The following SVIL variants were observed in gnomAD, a reference collection of about 807,000 sequenced individuals.
SVIL encodes the protein archvillin.
SVIL carries 101 observed loss-of-function variants against 240.4 expected under a neutral mutation model. The observed-to-expected ratio is 0.42, with a 90% CI of 0.36 to 0.50. The LOEUF is 0.50. Among genes scored for constraint, SVIL ranks in the 20% least tolerant of loss-of-function variants. The pLI is 0.01. For synonymous variants in SVIL, 999 were observed against 1,100.0 expected, an observed-to-expected ratio of 0.91 and a Z score of 1.82; for missense variants, 2,512 against 2,818.7, an observed-to-expected ratio of 0.89 and a Z score of 2.46.
chr10:29,493,455 C>T (rs1349104882), intron 20 of SVIL, 64 bp from the exon 21 acceptor site: 1 of 1,557,768 alleles, frequency 6.4e-7, no homozygotes, highest in African/African-American at 1.4e-5. Flanking sequence ...TTATGCTTCA[C>T]AATAGTTTAA....
At chr10:29,522,686 T>G in intron 15 of SVIL, 51 bp from the exon 16 acceptor site, 2 of 1,566,814 alleles carry the variant, frequency 1.3e-6, no homozygotes, top group Non-Finnish European at 8.7e-7. Flanking sequence ...GCAAACATTC[T>G]TCCAGCGATT....
chr10:29,491,161 G>A (rs1947916354), intron 21 of SVIL, 142 bp from the exon 22 acceptor site: 8 of 954,538 alleles, frequency 8.4e-6, no homozygotes, highest in Non-Finnish European at 1.2e-5. Flanking sequence ...CCCCTGACAT[G>A]GAGTCGTAGA....
chr10:29,675,638 C>G (rs1182843101), intron 2 of SVIL, among the ~76,000 whole-genome samples: 1 of 152,130 alleles, frequency 6.6e-6, no homozygotes, highest in Non-Finnish European at 1.5e-5. Flanking sequence ...TCCATCAAAC[C>G]GTGTTACATC....
At chr10:29,490,585 TAAAAA>T (rs57898945) in intron 22 of SVIL, among the ~76,000 whole-genome samples, 9 of 76,244 alleles carry the variant, frequency 1.2e-4, no homozygotes, top group Non-Finnish European at 9.4e-5. Context: ...CCCCAGTCTT[TAAAAA>T]AAAAAAAAAA....
At chr10:29,593,967 C>T (rs1388430745) in intron 1 of SVIL, among the ~76,000 whole-genome samples, 2 of 152,022 alleles carry the variant, frequency 1.3e-5, no homozygotes, top group African/African-American at 2.4e-5. Flanking sequence ...GTTTTCAAGG[C>T]GGTGAAAATA....
chr10:29,508,685 T>A (rs950170987), intron 17 of SVIL: 3 of 336,050 alleles, frequency 8.9e-6, no homozygotes, highest in Non-Finnish European at 1.8e-5. Context: ...ACTGAGCATA[T>A]AAATGTGCCA....
chr10:29,465,861 T>G, intron 33 of SVIL, 111 bp from the exon 34 acceptor site: 1 of 1,403,304 alleles, frequency 7.1e-7, no homozygotes, highest in East Asian at 2.5e-5. Flanking sequence ...GAAACACAGG[T>G]AGGATTTATC....
At chr10:29,515,626 C>T (rs1417459613) in intron 16 of SVIL, among the ~76,000 whole-genome samples, 3 of 152,214 alleles carry the variant, frequency 2.0e-5, no homozygotes, top group Non-Finnish European at 4.4e-5. Flanking sequence ...TCCACCCAGG[C>T]TGGCAGCTAC....
Position 29,474,002 on chromosome 10 carries a change from A to C in SVIL, c.5378-13T>G, listed in dbSNP as rs769345788. 1 of 1,611,770 alleles carries C rather than the reference A, an allele frequency of 6.2e-7. No individual in the cohort carries two copies. The highest frequency in any genetic ancestry group is 1.7e-5 in the Admixed American group (1 of 59,954). ...TGGCGACTTCCCACTGCAAACACAG[A>C]ATGGCAGAGGGACAGGTCAGCAGCT... is the stretch of plus-strand genomic sequence containing the variant. On this transcript the variant is annotated splice_polypyrimidine_tract_variant and intron_variant, in intron 29 of 37. Coordinates refer to ENST00000355867, the MANE Select transcript of SVIL (RefSeq NM_021738.3).
At chr10:29,604,400 T>C (rs1315933775) in intron 1 of SVIL, among the ~76,000 whole-genome samples, 1 of 148,016 alleles carries the variant, frequency 6.8e-6, no homozygotes, top group East Asian at 2.0e-4. Context: ...TTGGTATTTT[T>C]AGTAAGAGAC....
Position 29,484,027 on chromosome 10 carries a change from G to A in SVIL, c.4955+629C>T, listed in dbSNP as rs141735697. ...TTGAAAAAACAACAATCCTTTGCACGTAGGAATTATTTTTTCCAACATCAT... is the reference window on the plus strand; with the variant it reads ...TTGAAAAAACAACAATCCTTTGCACATAGGAATTATTTTTTCCAACATCAT... On this transcript the variant is annotated intron_variant, in intron 27 of 37. Coordinates refer to ENST00000355867, the MANE Select transcript of SVIL (RefSeq NM_021738.3). This position sits in a 1 kb window ranked among gnomAD's most constrained non-coding sequence, Gnocchi z 4.7. 38 of 152,214 alleles carry A rather than the reference G, an allele frequency of 2.5e-4. No individual in the cohort carries two copies. Among genetic ancestry groups the A allele is most frequent in the African/African-American group, 9.1e-4 (38 of 41,548 alleles). The allele number at this position is 152,214 out of a possible 1,614,324, so 9.4% of individuals were successfully genotyped here.
intron 1 of SVIL, among the ~76,000 whole-genome samples, chr10:29,717,022 G>A (rs919201332): frequency 6.6e-6 from 1 of 152,130 alleles, no homozygotes; most frequent in Non-Finnish European, 1.5e-5. Context: ...CAAGGTCAGA[G>A]ATCGAGACCA....
intron 17 of SVIL, among the ~76,000 whole-genome samples, chr10:29,503,346 G>C (rs1166271358): frequency 6.6e-6 from 1 of 152,172 alleles, no homozygotes; most frequent in African/African-American, 2.4e-5. Flanking sequence ...CTCCTAAGAT[G>C]AAAGGAAGGG....
Position 29,484,180 on chromosome 10 carries a change from A to G in SVIL, c.4955+476T>C, listed in dbSNP as rs1322400948. On this transcript the variant is annotated intron_variant, in intron 27 of 37. Coordinates refer to ENST00000355867, the MANE Select transcript of SVIL (RefSeq NM_021738.3). This position sits in a 1 kb window ranked among gnomAD's most constrained non-coding sequence, Gnocchi z 4.7. ...CTCCTCCCCCTCTTCCCTTCCCAAAAGATATAAAGACATAAACATCATCTG... is the reference window on the plus strand; with the variant it reads ...CTCCTCCCCCTCTTCCCTTCCCAAAGGATATAAAGACATAAACATCATCTG... Among the ~76,000 whole-genome samples, 3 of 152,162 alleles carry G rather than the reference A, an allele frequency of 2.0e-5. No homozygotes were observed. The highest frequency in any genetic ancestry group is 2.1e-4 in the South Asian group (1 of 4,826).
intron 6 of SVIL, among the ~76,000 whole-genome samples, chr10:29,546,744 G>A (rs1001944972): frequency 1.3e-5 from 2 of 152,198 alleles, no homozygotes; most frequent in Non-Finnish European, 2.9e-5. Flanking sequence ...GTATATTCAT[G>A]AGTGTCATCG....
At chr10:29,500,597 T>C (rs11813118) in intron 17 of SVIL, among the ~76,000 whole-genome samples, 7,423 of 152,198 alleles carry the variant, frequency 0.049, 561 homozygotes, top group African/African-American at 0.16. Flanking sequence ...TTCTAGGAGG[T>C]TCCCCAGATT....
intron 2 of SVIL, among the ~76,000 whole-genome samples, chr10:29,682,422 A>C (rs1402496853): frequency 6.6e-6 from 1 of 152,218 alleles, no homozygotes. Flanking sequence ...TGAAGCACCT[A>C]CTAAGTTCCA....
intron 1 of SVIL, among the ~76,000 whole-genome samples, chr10:29,573,275 A>ATACCCAACTCC (rs1310192759): frequency 1.3e-5 from 2 of 152,154 alleles, no homozygotes; most frequent in Non-Finnish European, 2.9e-5. Context: ...ATTATCTTTA[A>ATACCCAACTCC]GTTGGTAACG....
At chr10:29,513,613 G>A (rs1950011279) in intron 16 of SVIL, among the ~76,000 whole-genome samples, 3 of 152,160 alleles carry the variant, frequency 2.0e-5, no homozygotes, top group African/African-American at 7.2e-5. Flanking sequence ...TCAATTAGAG[G>A]TAAAATTTGA....
Sources: gnomAD v4.1 joint callset for allele counts (sites outside exome capture counted in the v4.1 genomes callset) on GRCh38, gnomAD v4.1.1 for gene constraint, Gnocchi (gnomAD v3.1) non-coding constraint, MANE v1.5 for transcripts, NCBI Gene and HGNC (gene_info 2026-07-23, HGNC 2026-07-21) for gene names.